Variants in RNF123 observed in about 807,000 individuals in gnomAD.
RNF123 encodes the protein E3 ubiquitin-protein ligase RNF123.
Under a neutral mutation model 168.5 loss-of-function variants are expected in RNF123, and 86 were observed. The ratio of observed to expected loss-of-function variants is 0.51; its 90% CI spans 0.43 to 0.61. The LOEUF (loss-of-function observed/expected upper bound fraction) is 0.61. RNF123 is among the 20% of genes least tolerant of loss of function. RNF123 has a pLI of 0.00. For synonymous variants in RNF123, 666 were observed against 689.1 expected (o/e 0.97, Z 0.52); for missense variants, 1,419 against 1,729.7 (o/e 0.82, Z 3.19).
At chr3:49,702,463 C>T in intron 19 of RNF123, 58 bp downstream of exon 19, 1 of 1,593,592 alleles carries the variant, frequency 6.3e-7, no homozygotes. Context: ...ACATGCCATG[C>T]CCTCAGCACC....
chr3:49,702,415 C>T lies in RNF123; in HGVS notation c.1629+10C>T. 6.2e-7 allele frequency: 1 copy of T among 1,614,032 alleles called. No individual in the cohort carries two copies. The highest frequency in any genetic ancestry group is 2.2e-5 in the East Asian group (1 of 44,876). Reference sequence around the variant, plus strand: ...CGCCAGTGGCCGGGGGGTAGGTGTCCTCCAGGCCAGCCCACTGTGGATCCC... The same window carrying T: ...CGCCAGTGGCCGGGGGGTAGGTGTCTTCCAGGCCAGCCCACTGTGGATCCC... On this transcript the variant is annotated intron_variant, in intron 19 of 38. Transcript: ENST00000327697.
chr3:49,702,417 C>T lies in RNF123; in HGVS notation c.1629+12C>T. On this transcript the variant is annotated intron_variant, in intron 19 of 38. Transcript: ENST00000327697. ...CCAGTGGCCGGGGGGTAGGTGTCCTCCAGGCCAGCCCACTGTGGATCCCCG... is the reference window on the plus strand; with the variant it reads ...CCAGTGGCCGGGGGGTAGGTGTCCTTCAGGCCAGCCCACTGTGGATCCCCG... 1 of 1,613,952 alleles carries T rather than the reference C, an allele frequency of 6.2e-7. No homozygotes were observed. Among genetic ancestry groups the T allele is most frequent in the South Asian group, 1.1e-5 (1 of 91,070 alleles).
chr3:49,719,287 G>A, intron 35 of RNF123: 1 of 1,613,272 alleles, frequency 6.2e-7, no homozygotes, highest in Non-Finnish European at 8.5e-7. Flanking sequence ...AGTAGCGGCA[G>A]GTAACTCGGC....
At chr3:49,720,934 T>C in intron 37 of RNF123, 40 bp downstream of exon 37, 1 of 1,611,424 alleles carries the variant, frequency 6.2e-7, no homozygotes, top group Non-Finnish European at 8.5e-7. Context: ...GCCACTTGAA[T>C]ATGTGTGCAC....
Position 49,695,163 on chromosome 3 carries a change from C to G in RNF123, c.168-1980C>G, listed in dbSNP as rs545535413. ...CTTTTGAGACAGGGTCTCGCTATGTCACAGTCATAGCTCACTGCAACCTCA... is the reference window on the plus strand; with the variant it reads ...CTTTTGAGACAGGGTCTCGCTATGTGACAGTCATAGCTCACTGCAACCTCA... On this transcript the variant is annotated intron_variant, in intron 3 of 38. Transcript: ENST00000327697. Among the ~76,000 whole-genome samples the G allele has an allele frequency of 5.3e-5, 8 of 152,298 alleles. No homozygotes were observed. The East Asian group carries it at 1.5e-3, about 29-fold the overall frequency.
chr3:49,702,457 G>T (rs370548567), intron 19 of RNF123, 52 bp downstream of exon 19: 4 of 1,604,090 alleles, frequency 2.5e-6, no homozygotes, highest in Non-Finnish European at 3.4e-6. Context: ...CACTACACAT[G>T]CCATGCCCTC....
chr3:49,702,204 T>C (rs552308192), intron 18 of RNF123, 60 bp downstream of exon 18: 1 of 1,597,148 alleles, frequency 6.3e-7, no homozygotes, highest in African/African-American at 1.3e-5. Context: ...GCACTGGGCC[T>C]TAAGACCCAG....
chr3:49,714,463 T>C (rs2080202707), intron 31 of RNF123, among the ~76,000 whole-genome samples: 1 of 152,252 alleles, frequency 6.6e-6, no homozygotes, highest in Non-Finnish European at 1.5e-5. Context: ...ACCATGTTCC[T>C]GGCCTGCTAC....
intron 35 of RNF123, chr3:49,720,183 G>T: frequency 5.4e-6 from 1 of 185,540 alleles, no homozygotes; most frequent in Middle Eastern, 2.1e-3. Context: ...GGGCGTGGTG[G>T]TGGGCGTCTG....
At chr3:49,708,685 A>G (rs1365202662) in intron 26 of RNF123, among the ~76,000 whole-genome samples, 1 of 152,252 alleles carries the variant, frequency 6.6e-6, no homozygotes, top group Non-Finnish European at 1.5e-5. Flanking sequence ...TGGCTTTAGC[A>G]TAATGTCCTC....
chr3:49,699,039 A>G lies in RNF123; in HGVS notation c.698A>G (p.Tyr233Cys). Residue 233 changes from tyrosine (Y) to cysteine (C), a missense_variant, in exon 10 of 39, where the codon TAC (tyrosine) becomes TGC (cysteine). Tyr to Cys is a radical substitution (Grantham distance 194). This residue lies in a region of RNF123 where 318 missense variants were observed against 446.6 expected (regional missense o/e 0.71). Coordinates refer to ENST00000327697, the MANE Select transcript of RNF123 (RefSeq NM_022064.5). This position sits in a 1 kb window ranked among gnomAD's most constrained non-coding sequence, Gnocchi z 4.8. ...CTGTCCAGGGGCCTGGGTATGGCCT[A>G]CTTCCCAGCCATCAGCCTCTCTTTC... The part of the protein sequence containing the change: ...ENLSRGLGMA[Y>C]FPAISLSFKE... The G allele has an allele frequency of 1.2e-6, 2 of 1,613,840 alleles. No individual in the cohort carries two copies. The highest frequency in any genetic ancestry group is 1.7e-6 in the Non-Finnish European group (2 of 1,180,006).
chr3:49,714,139 C>G lies in RNF123; in HGVS notation c.2975C>G (p.Thr992Ser). The change falls in exon 31 of 39, where the codon ACC (threonine) becomes AGC (serine). Residue 992 changes from threonine to serine, a missense_variant. Thr to Ser is a moderately conservative substitution (Grantham distance 58, BLOSUM62 1). Coordinates refer to ENST00000327697, the MANE Select transcript of RNF123 (RefSeq NM_022064.5). ...RYTRLPHLLK[T>S]KLEDANLPSL... ...ACACGGCTGCCACATCTGCTGAAAA[C>G]CAAACTTGAGGACGCCAATTTGCCC... is the stretch of plus-strand genomic sequence containing the variant. The G allele has an allele frequency of 6.2e-7, 1 of 1,614,162 alleles. No homozygotes were observed. Among genetic ancestry groups the G allele is most frequent in the African/African-American group, 1.3e-5 (1 of 75,056 alleles).
At chr3:49,712,108 C>A (rs1194629830) in intron 26 of RNF123, among the ~76,000 whole-genome samples, 1 of 152,068 alleles carries the variant, frequency 6.6e-6, no homozygotes, top group African/African-American at 2.4e-5. Flanking sequence ...ACCTGTAGTC[C>A]CAGCTACTCG....
Position 49,699,226 on chromosome 3 carries a change from TG to T in RNF123, c.764+127del. On this transcript the variant is annotated intron_variant, in intron 10 of 38. Transcript: ENST00000327697. The surrounding 1 kb of genome is among the most constrained non-coding windows in gnomAD (Gnocchi z 4.8). ...CAGGCCCTGGCTGCTGCAGAGTTAGTGGGGGGCCATGTAGAGTGTCGAAGAA... is the reference window on the plus strand; with the variant it reads ...CAGGCCCTGGCTGCTGCAGAGTTAGTGGGGGCCATGTAGAGTGTCGAAGAA... 1 of 1,357,302 alleles carries T rather than the reference TG, an allele frequency of 7.4e-7. No individual in the cohort carries two copies. Among genetic ancestry groups the T allele is most frequent in the Non-Finnish European group, 1.0e-6 (1 of 999,318 alleles). 84.1% of individuals were successfully genotyped at this position (1,357,302 alleles called of 1,614,324 possible). A position where few individuals can be genotyped will look rare whatever the true frequency, so the allele number is the denominator to read the frequency against.
intron 21 of RNF123, among the ~76,000 whole-genome samples, chr3:49,703,804 C>A (rs1451672581): frequency 2.6e-5 from 4 of 152,154 alleles, no homozygotes; most frequent in African/African-American, 4.8e-5. Context: ...GCCGGAGCTG[C>A]CTTCAGGGAT....
chr3:49,694,110 CTGTT>C (rs1176104356), intron 3 of RNF123, among the ~76,000 whole-genome samples: 2 of 152,118 alleles, frequency 1.3e-5, no homozygotes, highest in Non-Finnish European at 2.9e-5. Flanking sequence ...AACTTCATGT[CTGTT>C]TATCTTATAA....
chr3:49,691,375 G>T, intron 2 of RNF123, 50 bp from the exon 3 acceptor site: 1 of 1,606,374 alleles, frequency 6.2e-7, no homozygotes, highest in Non-Finnish European at 8.5e-7. Flanking sequence ...CAGGGGCCAG[G>T]AGCTGCACTG....
rs2054352772 is a variant in RNF123, at chr3:49,700,241, G to C, written c.999G>C (p.Leu333=). The change falls in exon 13 of 39, where the codon CTG becomes CTC. Residue 333 remains leucine (L), a synonymous_variant. Transcript: ENST00000327697. ...CCTTGGTGCAGCGCAAGGTGTATCTGGTGGAGGCTGTGCTCATGAGCTTCT... is the reference window on the plus strand; with the variant it reads ...CCTTGGTGCAGCGCAAGGTGTATCTCGTGGAGGCTGTGCTCATGAGCTTCT... The part of the protein sequence containing the change: ...HFAPLLRKVY[L]VEAVLMSFLL... The C allele has an allele frequency of 6.2e-7, 1 of 1,614,032 alleles. No individual in the cohort carries two copies. Among genetic ancestry groups the C allele is most frequent in the African/African-American group, 1.3e-5 (1 of 74,930 alleles).
intron 3 of RNF123, among the ~76,000 whole-genome samples, chr3:49,695,835 T>A (rs1355357029): frequency 6.6e-6 from 1 of 152,192 alleles, no homozygotes; most frequent in East Asian, 1.9e-4. Flanking sequence ...TCTTAGCAGC[T>A]GAGCTCAGGA....
Sources: gnomAD v4.1 joint callset for allele counts (sites outside exome capture counted in the v4.1 genomes callset) on GRCh38, gnomAD v4.1.1 for gene constraint, gnomAD v4.1.1 regional missense constraint, Gnocchi (gnomAD v3.1) non-coding constraint, MANE v1.5 for transcripts, NCBI Gene and HGNC (gene_info 2026-07-23, HGNC 2026-07-21) for gene names.